The following NSL1 variants were observed in gnomAD, a reference collection of about 807,000 sequenced individuals.
NSL1 encodes NSL1 component of MIS12 kinetochore complex, also known as kinetochore-associated protein NSL1 homolog.
In NSL1, 11 loss-of-function variants were observed where a neutral mutation model predicts 25.4. That is an observed-to-expected ratio of 0.43 (90% CI 0.27 to 0.72). NSL1 has a LOEUF of 0.72. Ranked by LOEUF, NSL1 falls within the 30% of genes least tolerant of loss-of-function variation. The pLI is 0.19. For missense variants in NSL1, 330 were observed against 342.7 expected, an observed-to-expected ratio of 0.96 and a Z score of 0.29; for synonymous variants, 118 against 120.6, an observed-to-expected ratio of 0.98 and a Z score of 0.14.
chr1:212,751,382 T>C (rs1659059833), intron 4 of NSL1, among the ~76,000 whole-genome samples: 1 of 152,196 alleles, frequency 6.6e-6, no homozygotes, highest in South Asian at 2.1e-4. Context: ...AGCTGAGAAA[T>C]GTATCTAGAC....
Position 212,730,462 on chromosome 1 carries a change from GCA to G in NSL1, c.*7944_*7945del. 1.0e-6 allele frequency: 1 copy of G among 985,228 alleles called. No homozygotes were observed. The highest frequency in any genetic ancestry group is 4.7e-5 in the South Asian group (1 of 21,280). 61.0% of individuals were successfully genotyped at this position (985,228 alleles called of 1,614,324 possible). On this transcript the variant is annotated 3_prime_UTR_variant, in exon 6 of 6. Coordinates refer to ENST00000366977, the MANE Select transcript of NSL1 (RefSeq NM_015471.4). ...TCTGCAACTAGGTATGAGCCCAAAGGCACTGGAGCCATTCTCTGAGTAAGGCT... is the reference window on the plus strand; with the variant it reads ...TCTGCAACTAGGTATGAGCCCAAAGGCTGGAGCCATTCTCTGAGTAAGGCT...
intron 4 of NSL1, among the ~76,000 whole-genome samples, chr1:212,765,000 T>A (rs1028943957): frequency 3.3e-5 from 5 of 151,806 alleles, no homozygotes; most frequent in Non-Finnish European, 7.4e-5. Context: ...GTAGATAAGT[T>A]CCTGGAAATA....
rs568263159 is a variant in NSL1 at position 212,731,728 on chromosome 1, C to T, written c.*6680G>A. 1.3e-4 allele frequency: 125 copies of T among 985,390 alleles called. No individual in the cohort carries two copies. In the Middle Eastern group the frequency reaches 2.6e-3, roughly 21 times the overall value. 61.0% of individuals were successfully genotyped at this position (985,390 alleles called of 1,614,324 possible). On this transcript the variant is annotated 3_prime_UTR_variant, in exon 6 of 6. Coordinates refer to ENST00000366977, the MANE Select transcript of NSL1 (RefSeq NM_015471.4). ...AGCTTTTTAGACATCCACTGACTTCCAGTTGTGGTGGGTGAAGATTTCACT... is the reference window on the plus strand; with the variant it reads ...AGCTTTTTAGACATCCACTGACTTCTAGTTGTGGTGGGTGAAGATTTCACT...
At chr1:212,782,531 T>C in intron 3 of NSL1, 105 bp from the exon 4 acceptor site, 1 of 859,604 alleles carries the variant, frequency 1.2e-6, no homozygotes, top group Non-Finnish European at 1.9e-6. Context: ...ACCATTCTTT[T>C]GAGGAAAAAA....
At chr1:212,776,229 G>A (rs1487445221) in intron 4 of NSL1, among the ~76,000 whole-genome samples, 3 of 152,086 alleles carry the variant, frequency 2.0e-5, no homozygotes, top group East Asian at 3.9e-4. Flanking sequence ...TGGGTGTGGT[G>A]GCACATGCCT....
chr1:212,769,891 A>C (rs1220200444), intron 4 of NSL1, among the ~76,000 whole-genome samples: 1 of 152,194 alleles, frequency 6.6e-6, no homozygotes, highest in Non-Finnish European at 1.5e-5. Context: ...ATCCACTTAA[A>C]AGACAAATAA....
In NSL1 at chr1:212,732,089, A is replaced by G; in HGVS notation, c.*6319T>C. 1 of 977,284 alleles carries G rather than the reference A, an allele frequency of 1.0e-6. No homozygotes were observed. Among genetic ancestry groups the G allele is most frequent in the Non-Finnish European group, 1.2e-6 (1 of 824,638 alleles). The allele number at this position is 977,284 out of a possible 1,614,324, so 60.5% of individuals were successfully genotyped here. ...GGTTTTTATTATTATGGCTATATAA[A>G]TATTGTTCACTGGAGAACTAATTTG... On this transcript the variant is annotated 3_prime_UTR_variant, in exon 6 of 6. Coordinates refer to ENST00000366977, the MANE Select transcript of NSL1 (RefSeq NM_015471.4).
rs1429581234 is a variant in NSL1, at chr1:212,733,531, T to C, written c.*4877A>G. On this transcript the variant is annotated 3_prime_UTR_variant, in exon 6 of 6. Coordinates refer to ENST00000366977, the MANE Select transcript of NSL1 (RefSeq NM_015471.4). ...AGCCTTAGGCAGTGACAGATCTATT[T>C]TTTGTTTCTGTAGATTTGCCTGTTC... Among the ~76,000 whole-genome samples, 4 of 152,220 alleles carry C rather than the reference T, an allele frequency of 2.6e-5. No individual in the cohort carries two copies. The highest frequency in any genetic ancestry group is 4.4e-5 in the Non-Finnish European group (3 of 68,038).
At chr1:212,750,411 T>C (rs1327572493) in intron 4 of NSL1, among the ~76,000 whole-genome samples, 4 of 151,278 alleles carry the variant, frequency 2.6e-5, no homozygotes, top group Non-Finnish European at 5.9e-5. Context: ...ATTTAAAACA[T>C]GAGAGAAGGA....
chr1:212,779,544 C>A (rs1660592258), intron 4 of NSL1, among the ~76,000 whole-genome samples: 1 of 110,318 alleles, frequency 9.1e-6, no homozygotes, highest in Non-Finnish European at 1.9e-5. Flanking sequence ...GCCGCCCCGT[C>A]CGGGAGGGAG....
intron 4 of NSL1, among the ~76,000 whole-genome samples, chr1:212,759,877 C>T (rs758802225): frequency 1.3e-5 from 2 of 152,188 alleles, no homozygotes; most frequent in Non-Finnish European, 2.9e-5. Flanking sequence ...GGAGCTGAAG[C>T]GCACACTCCT....
At chr1:212,766,046 G>A in intron 4 of NSL1, 1 of 359,050 alleles carries the variant, frequency 2.8e-6, no homozygotes, top group Non-Finnish European at 5.0e-6. Flanking sequence ...TGAGGCAGGA[G>A]AATGGCGTGA....
intron 4 of NSL1, among the ~76,000 whole-genome samples, chr1:212,761,434 G>A (rs1460233833): frequency 6.6e-6 from 1 of 152,142 alleles, no homozygotes; most frequent in Non-Finnish European, 1.5e-5. Context: ...GAACCCAGGA[G>A]TTTGGGGCCA....
intron 4 of NSL1, among the ~76,000 whole-genome samples, chr1:212,773,072 C>T (rs1479124727): frequency 1.3e-5 from 2 of 152,102 alleles, no homozygotes; most frequent in Non-Finnish European, 2.9e-5. Context: ...AAACATAATA[C>T]CCAAAACTAT....
chr1:212,769,079 TA>T (rs58889016), intron 4 of NSL1, among the ~76,000 whole-genome samples: 12,129 of 131,764 alleles, frequency 0.092, 489 homozygotes, highest in East Asian at 0.16. Flanking sequence ...GGAGGAGGAA[TA>T]AAAAAAAAAA....
intron 4 of NSL1, among the ~76,000 whole-genome samples, chr1:212,772,476 G>C (rs2102384878): frequency 6.6e-6 from 1 of 152,042 alleles, no homozygotes; most frequent in East Asian, 1.9e-4. Context: ...CCTACCTGGT[G>C]AAACTCTTGT....
chr1:212,755,280 TAGA>T (rs1298748173), intron 4 of NSL1, among the ~76,000 whole-genome samples: 8 of 151,454 alleles, frequency 5.3e-5, no homozygotes, highest in Non-Finnish European at 1.2e-4. Context: ...AATACAAAAA[TAGA>T]AGAAATGAGA....
intron 4 of NSL1, among the ~76,000 whole-genome samples, chr1:212,762,306 C>CAAAAAAAAAAAAAAAAA (rs71147025): frequency 8.7e-6 from 1 of 114,634 alleles, no homozygotes; most frequent in Non-Finnish European, 1.7e-5. Context: ...TTAAAAGAAA[C>CAAAAAAAAAAAAAAAAA]AAAAAAAAAA....
intron 4 of NSL1, among the ~76,000 whole-genome samples, chr1:212,750,558 T>C (rs1159623466): frequency 6.6e-6 from 1 of 152,026 alleles, no homozygotes; most frequent in African/African-American, 2.4e-5. Context: ...AAGATAAAGT[T>C]TAAAAATGGA....
Sources: gnomAD v4.1 joint callset for allele counts (sites outside exome capture counted in the v4.1 genomes callset) on GRCh38, gnomAD v4.1.1 for gene constraint, MANE v1.5 for transcripts, NCBI Gene and HGNC (gene_info 2026-07-23, HGNC 2026-07-21) for gene names.